SH3PXD2A: variants seen among roughly 807,000 people sequenced by gnomAD.
The protein encoded by SH3PXD2A is SH3 and PX domain-containing protein 2A.
In SH3PXD2A, 32 loss-of-function variants were observed where a neutral mutation model predicts 115.2. The ratio of observed to expected loss-of-function variants is 0.28; its 90% CI spans 0.21 to 0.37. SH3PXD2A has a LOEUF of 0.37. SH3PXD2A is among the 10% of genes least tolerant of loss of function. The pLI, the probability that SH3PXD2A is intolerant of heterozygous loss-of-function variation, is 1.00. For missense variants in SH3PXD2A, 1,328 were observed against 1,498.7 expected (o/e 0.89, Z 1.88); for synonymous variants, 610 against 629.1 (o/e 0.97, Z 0.45).
chr10:103,701,174 ATCCACCATCCAT>A (rs1564867770), intron 5 of SH3PXD2A, among the ~76,000 whole-genome samples: 2 of 138,202 alleles, frequency 1.4e-5, no homozygotes, highest in Non-Finnish European at 3.1e-5. Context: ...CCATCCATCC[ATCCACCATCCAT>A]CCATCCATCC....
Position 103,835,543 on chromosome 10 carries a change from T to C in SH3PXD2A, c.72+19652A>G, listed in dbSNP as rs566373707. Reference sequence around the variant, plus strand: ...AAATCAGACCATGTAAACAAACAGGTTGACAGATGCTCACAGGGTATGAAA... The same window carrying C: ...AAATCAGACCATGTAAACAAACAGGCTGACAGATGCTCACAGGGTATGAAA... On this transcript the variant is annotated intron_variant, in intron 1 of 14. Transcript: ENST00000369774. Among the ~76,000 whole-genome samples, 49 of 152,250 alleles carry C rather than the reference T, an allele frequency of 3.2e-4. No homozygotes were observed. In the South Asian group the frequency reaches 9.8e-3, roughly 30 times the overall value.
chr10:103,844,058 C>A (rs904115071), intron 1 of SH3PXD2A, among the ~76,000 whole-genome samples: 6 of 152,210 alleles, frequency 3.9e-5, no homozygotes, highest in African/African-American at 1.4e-4. Context: ...TGAGTGATGA[C>A]TAAAGTCAGT....
intron 3 of SH3PXD2A, among the ~76,000 whole-genome samples, chr10:103,741,078 A>G (rs563561894): frequency 4.1e-4 from 63 of 152,334 alleles, no homozygotes; most frequent in Middle Eastern, 6.8e-3. Flanking sequence ...TAATGTGAAG[A>G]GGGGTGCCTA....
chr10:103,796,183 A>T (rs948907961), intron 2 of SH3PXD2A, among the ~76,000 whole-genome samples: 1 of 151,556 alleles, frequency 6.6e-6, no homozygotes, highest in Non-Finnish European at 1.5e-5. Flanking sequence ...ACACAGTGGG[A>T]CCCTGTCTCT....
At chr10:103,782,006 A>C (rs1224959920) in intron 2 of SH3PXD2A, among the ~76,000 whole-genome samples, 1 of 152,212 alleles carries the variant, frequency 6.6e-6, no homozygotes, top group East Asian at 1.9e-4. Context: ...AGCCCACGCC[A>C]TTCCTGGGCA....
intron 1 of SH3PXD2A, 53 bp from the exon 2 acceptor site, chr10:103,801,415 T>C: frequency 8.9e-7 from 1 of 1,122,052 alleles, no homozygotes. Context: ...AAGCTGTCTG[T>C]GCCAGGCATC....
intron 1 of SH3PXD2A, among the ~76,000 whole-genome samples, chr10:103,804,970 G>C (rs2134269124): frequency 6.6e-6 from 1 of 152,268 alleles, no homozygotes; most frequent in South Asian, 2.1e-4. Context: ...ACCAGGTGCT[G>C]TTTCTCTGAC....
rs1179998702 is a variant in SH3PXD2A, at chr10:103,603,733, G to C, written c.1485C>G (p.Gly495=). Residue 495 remains glycine, a synonymous_variant, in exon 15 of 15, where the codon GGC becomes GGG. Coordinates refer to ENST00000369774, the MANE Select transcript of SH3PXD2A (RefSeq NM_001394015.1). The stretch of plus-strand genomic sequence containing the variant: ...TATCGATGTATGATGCGGGGGCCCA[G>C]CCCTCCTTCTCACCGATCTGCACGT... ...WWYVQIGEKE[G]WAPASYIDKR... is the part of the protein sequence containing the mutation. The C allele has an allele frequency of 1.2e-6, 2 of 1,611,172 alleles. No homozygotes were observed. The highest frequency in any genetic ancestry group is 1.7e-6 in the Non-Finnish European group (2 of 1,179,930).
intron 10 of SH3PXD2A, among the ~76,000 whole-genome samples, chr10:103,618,942 G>A (rs1272204183): frequency 6.6e-6 from 1 of 152,230 alleles, no homozygotes; most frequent in African/African-American, 2.4e-5. Flanking sequence ...GTGCTGAGCC[G>A]AGATAGCAGC....
intron 3 of SH3PXD2A, among the ~76,000 whole-genome samples, chr10:103,764,875 G>A (rs1011408635): frequency 6.6e-6 from 1 of 152,158 alleles, no homozygotes; most frequent in African/African-American, 2.4e-5. Flanking sequence ...CAGTTTCCTA[G>A]TCAGTAAAAT....
chr10:103,717,451 G>T (rs564512870), intron 5 of SH3PXD2A, among the ~76,000 whole-genome samples: 32 of 152,296 alleles, frequency 2.1e-4, no homozygotes, highest in African/African-American at 7.5e-4. Flanking sequence ...CAGAGCGAGT[G>T]GGGAGGAGAG....
intron 1 of SH3PXD2A, among the ~76,000 whole-genome samples, chr10:103,818,275 G>A (rs1409837309): frequency 3.3e-5 from 5 of 152,106 alleles, no homozygotes; most frequent in Non-Finnish European, 4.4e-5. Flanking sequence ...CCCCTCCTCC[G>A]GTGCACAGCA....
At chr10:103,717,231 ACT>A (rs1267752646) in intron 5 of SH3PXD2A, among the ~76,000 whole-genome samples, 1 of 152,038 alleles carries the variant, frequency 6.6e-6, no homozygotes, top group Non-Finnish European at 1.5e-5. Flanking sequence ...TCAATGTATA[ACT>A]CTATTAAATA....
intron 5 of SH3PXD2A, among the ~76,000 whole-genome samples, chr10:103,701,248 C>T (rs944833162): frequency 2.0e-5 from 3 of 148,924 alleles, no homozygotes; most frequent in Non-Finnish European, 4.5e-5. Context: ...ATCATCCATC[C>T]ATCATCCATC....
In SH3PXD2A at chr10:103,602,877, G is replaced by A. The variant is rs2133907512; in HGVS notation, c.2341C>T (p.Gln781Ter). The A allele has an allele frequency of 6.2e-7, 1 of 1,614,030 alleles. No individual in the cohort carries two copies. The highest frequency in any genetic ancestry group is 8.5e-7 in the Non-Finnish European group (1 of 1,179,882). ...CGGAGCTGGCCTGTGGGTCTCAGCT[G>A]GCGCCGTAAAGTGCTGATGTCCATC... The part of the protein sequence containing the change: ...EKMDISTLRR[Q>*]LRPTGQLRGG... The change falls in exon 15 of 15, where the codon CAG (glutamine) becomes TAG (stop). Residue 781 changes from glutamine to a stop codon, truncating the protein, a stop_gained. Transcript: ENST00000369774. LOFTEE classifies it high-confidence loss of function.
chr10:103,633,024 A>C (rs1206631247), intron 8 of SH3PXD2A, among the ~76,000 whole-genome samples: 1 of 151,896 alleles, frequency 6.6e-6, no homozygotes, highest in Non-Finnish European at 1.5e-5. Context: ...AAAAAACAAA[A>C]ACAGAGTCTG....
At chr10:103,607,753 G>T (rs911417342) in intron 13 of SH3PXD2A, among the ~76,000 whole-genome samples, 1 of 152,172 alleles carries the variant, frequency 6.6e-6, no homozygotes, top group East Asian at 1.9e-4. Context: ...GATGGTTGCC[G>T]CGTCTGTGTA....
chr10:103,810,229 C>T (rs1177511396), intron 1 of SH3PXD2A, among the ~76,000 whole-genome samples: 1 of 152,220 alleles, frequency 6.6e-6, no homozygotes, highest in Non-Finnish European at 1.5e-5. Flanking sequence ...GAGATGCTCA[C>T]TTACTGTTCC....
chr10:103,691,472 G>A (rs1272633449), intron 6 of SH3PXD2A, among the ~76,000 whole-genome samples: 2 of 152,044 alleles, frequency 1.3e-5, no homozygotes, highest in Non-Finnish European at 2.9e-5. Context: ...CTGTGTGGGC[G>A]GTGACAGAAC....
Sources: gnomAD v4.1 joint callset for allele counts (sites outside exome capture counted in the v4.1 genomes callset) on GRCh38, gnomAD v4.1.1 for gene constraint, MANE v1.5 for transcripts, NCBI Gene and HGNC (gene_info 2026-07-23, HGNC 2026-07-21) for gene names.